PIK3C2G: variants seen among roughly 807,000 people sequenced by gnomAD.
PIK3C2G encodes phosphatidylinositol 3-kinase C2 domain-containing subunit gamma.
In PIK3C2G, 168 loss-of-function variants were observed where a neutral mutation model predicts 181.1. That is an observed-to-expected ratio of 0.93 (90% CI 0.82 to 1.05). The LOEUF is 1.05. Ranked by LOEUF, PIK3C2G falls within the 50% of genes least tolerant of loss-of-function variation. The pLI is 0.00. For missense variants in PIK3C2G, 1,869 were observed against 1,732.8 expected, an observed-to-expected ratio of 1.08 and a Z score of -1.40; for synonymous variants, 573 against 592.2, an observed-to-expected ratio of 0.97 and a Z score of 0.47.
At chr12:18,284,917 G>C (rs565236383) in intron 2 of PIK3C2G, among the ~76,000 whole-genome samples, 2 of 152,240 alleles carry the variant, frequency 1.3e-5, no homozygotes, top group South Asian at 4.1e-4. Flanking sequence ...CAACTGGAAT[G>C]CTAACAGGAG....
the PIK3C2G span, among the ~76,000 whole-genome samples, chr12:18,697,215 C>T: frequency 1.3e-5 from 2 of 152,056 alleles, no homozygotes; most frequent in Admixed American, 6.6e-5. Context: ...GCTAAACCAA[C>T]TAGAATAGAA....
intron 29 of PIK3C2G, among the ~76,000 whole-genome samples, chr12:18,577,686 G>A (rs1946303335): frequency 6.6e-6 from 1 of 152,074 alleles, no homozygotes; most frequent in South Asian, 2.1e-4. Flanking sequence ...ACTAAAAGAA[G>A]CTAAAATTAT....
intron 24 of PIK3C2G, among the ~76,000 whole-genome samples, chr12:18,509,100 G>C (rs1231288784): frequency 6.6e-6 from 1 of 151,946 alleles, no homozygotes; most frequent in Non-Finnish European, 1.5e-5. Context: ...CACCGAGGCT[G>C]GAGTGCAGTG....
At chr12:18,713,998 G>T in the PIK3C2G span, among the ~76,000 whole-genome samples, 1 of 152,116 alleles carries the variant, frequency 6.6e-6, no homozygotes, top group Admixed American at 6.5e-5. Context: ...AGTGGAAGCT[G>T]ATTGCATTCA....
intron 18 of PIK3C2G, chr12:18,424,747 G>A (rs1945694017): frequency 4.8e-6 from 1 of 210,158 alleles, no homozygotes; most frequent in Non-Finnish European, 1.0e-5. Flanking sequence ...TAAAGGTGAA[G>A]TAGAAGAAGT....
intron 24 of PIK3C2G, among the ~76,000 whole-genome samples, chr12:18,511,589 T>C (rs753494935): frequency 6.6e-6 from 1 of 152,142 alleles, no homozygotes; most frequent in African/African-American, 2.4e-5. Flanking sequence ...TAACAGTTTA[T>C]GTACTTATTG....
intron 26 of PIK3C2G, 30 bp from the exon 27 acceptor site, chr12:18,562,673 C>T (rs759665945): frequency 4.5e-6 from 6 of 1,336,576 alleles, no homozygotes; most frequent in Admixed American, 2.0e-5. Flanking sequence ...AGGAGTGTCA[C>T]TCACTATCTT....
chr12:18,497,711 G>A lies in PIK3C2G; in HGVS notation c.2979G>A (p.Met993Ile), dbSNP rs184145959. The A allele has an allele frequency of 1.2e-6, 2 of 1,612,242 alleles. No homozygotes were observed. The highest frequency in any genetic ancestry group is 2.2e-5 in the South Asian group (2 of 90,946). Residue 993 changes from methionine to isoleucine, a missense_variant, in exon 22 of 33, where the codon ATG (methionine) becomes ATA (isoleucine). By Grantham distance (10) the Met-to-Ile change is conservative (BLOSUM62 1). Transcript: ENST00000538779. ...TGCAGGAAGGCTTGGATATGCAAAT[G>A]ATCATTTATAGATGTCTATCCACAG... is the stretch of plus-strand genomic sequence containing the variant. The part of the protein sequence containing the change: ...IWLQEGLDMQ[M>I]IIYRCLSTGK...
In PIK3C2G at chr12:18,304,906, C is replaced by T. The variant is rs533997952; in HGVS notation, c.1035-9056C>T. ...ATAGATAAAGTGCATTTCTCTTTTA[C>T]ATAACTCTACTCCTCCACTTATAAA... On this transcript the variant is annotated intron_variant, in intron 5 of 32. Transcript: ENST00000538779. Among the ~76,000 whole-genome samples the T allele has an allele frequency of 3.9e-5, 6 of 152,280 alleles. No homozygotes were observed. The South Asian group carries it at 8.3e-4, about 21-fold the overall frequency.
chr12:18,486,609 A>C (rs1940065043), intron 18 of PIK3C2G, among the ~76,000 whole-genome samples: 3 of 152,030 alleles, frequency 2.0e-5, no homozygotes, highest in Admixed American at 2.0e-4. Context: ...CGTATGTAGC[A>C]GTTGGGTAGT....
intron 2 of PIK3C2G, chr12:18,285,505 G>A (rs756000076): frequency 3.9e-5 from 6 of 152,016 alleles, no homozygotes; most frequent in Non-Finnish European, 8.8e-5. Flanking sequence ...ATAATAGCAT[G>A]TTATTGTAGG....
chr12:18,452,080 C>T (rs1947394879), intron 18 of PIK3C2G, among the ~76,000 whole-genome samples: 1 of 152,156 alleles, frequency 6.6e-6, no homozygotes, highest in Non-Finnish European at 1.5e-5. Flanking sequence ...ATGATGCTGG[C>T]CTCATAAAAT....
chr12:18,489,830 T>C (rs1226357796), intron 19 of PIK3C2G, among the ~76,000 whole-genome samples: 1 of 152,178 alleles, frequency 6.6e-6, no homozygotes, highest in African/African-American at 2.4e-5. Flanking sequence ...ATGTTTAAGA[T>C]GTACATTATA....
At chr12:18,350,077 G>A (rs984240248) in intron 11 of PIK3C2G, among the ~76,000 whole-genome samples, 1 of 152,118 alleles carries the variant, frequency 6.6e-6, no homozygotes, top group African/African-American at 2.4e-5. Context: ...GGTAGACCAG[G>A]AGATATTCCA....
At chr12:18,607,815 G>C (rs866060112) in intron 30 of PIK3C2G, among the ~76,000 whole-genome samples, 34 of 151,916 alleles carry the variant, frequency 2.2e-4, no homozygotes, top group Non-Finnish European at 4.0e-4. Flanking sequence ...CAAAGGGCTA[G>C]TATCCAGAAT....
In PIK3C2G at chr12:18,546,347, C is replaced by T. The variant is rs762687485; in HGVS notation, c.3505C>T (p.Leu1169=). 1 of 1,596,328 alleles carries T rather than the reference C, an allele frequency of 6.3e-7. No homozygotes were observed. Among genetic ancestry groups the T allele is most frequent in the Admixed American group, 1.7e-5 (1 of 58,272 alleles). The change falls in exon 26 of 33, where the codon CTA becomes TTA. Residue 1169 remains leucine, a synonymous_variant. Transcript: ENST00000538779. ...GATGCTGTATGCAGGACTGCCTGAG[C>T]TAAGTGGAATTCAAGACCTGAAATA... ...EMMLYAGLPE[L]SGIQDLKYVY... is the part of the protein sequence containing the mutation.
chr12:18,595,957 C>A (rs1290773818), intron 30 of PIK3C2G, among the ~76,000 whole-genome samples: 1 of 152,028 alleles, frequency 6.6e-6, no homozygotes, highest in African/African-American at 2.4e-5. Flanking sequence ...CATGATAATT[C>A]TTGCTTGTGT....
intron 16 of PIK3C2G, among the ~76,000 whole-genome samples, chr12:18,405,723 G>T (rs1449167905): frequency 3.9e-5 from 6 of 152,028 alleles, no homozygotes; most frequent in Admixed American, 3.9e-4. Flanking sequence ...AGTCACTGAT[G>T]ATATCAATGA....
At chr12:18,297,207 C>T (rs147757745) in intron 5 of PIK3C2G, among the ~76,000 whole-genome samples, 87 of 152,054 alleles carry the variant, frequency 5.7e-4, no homozygotes, top group Admixed American at 1.8e-3. Context: ...TACTTGTAAC[C>T]GTCTCACATG....
Sources: allele counts gnomAD v4.1 joint callset (sites outside exome capture counted in the v4.1 genomes callset), GRCh38; gene constraint gnomAD v4.1.1; transcripts MANE v1.5; gene names NCBI Gene and HGNC (gene_info 2026-07-23, HGNC 2026-07-21).